Variants in NPR3 observed in about 807,000 individuals in gnomAD.
NPR3 encodes the protein atrial natriuretic peptide receptor 3.
Under a neutral mutation model 54.5 loss-of-function variants are expected in NPR3, and 34 were observed. That is an observed-to-expected ratio of 0.62 (90% CI 0.47 to 0.83). The LOEUF (loss-of-function observed/expected upper bound fraction) is 0.83. NPR3 is among the 40% of genes least tolerant of loss of function. The pLI, the probability that NPR3 is intolerant of heterozygous loss-of-function variation, is 0.00. For synonymous variants in NPR3, 289 were observed against 297.1 expected (o/e 0.97, Z 0.28); for missense variants, 674 against 720.8 (o/e 0.94, Z 0.74).
chr5:32,772,037 C>G (rs971455894), intron 3 of NPR3, among the ~76,000 whole-genome samples: 1 of 152,164 alleles, frequency 6.6e-6, no homozygotes, highest in South Asian at 2.1e-4. Flanking sequence ...AAGACTTTCT[C>G]AAGCCATAAT....
At position 32,789,288 on chromosome 5, in the gene NPR3, A is replaced by T. The variant is rs181403003; in HGVS notation, c.*2943A>T. The T allele has an allele frequency of 3.7e-6, 1 of 267,304 alleles. No individual in the cohort carries two copies. The highest frequency in any genetic ancestry group is 2.4e-5 in the African/African-American group (1 of 41,750). 16.6% of individuals were successfully genotyped at this position (267,304 alleles called of 1,614,324 possible). The stretch of plus-strand genomic sequence containing the variant: ...TCATTGTCTTCTTAGATTTTTGGGT[A>T]GGGGGGCCAGGTAGGGGGAGACTCA... On this transcript the variant is annotated 3_prime_UTR_variant, in exon 8 of 8. Coordinates refer to ENST00000265074, the MANE Select transcript of NPR3 (RefSeq NM_001204375.2).
At chr5:32,725,843 C>T (rs1739111882) in intron 2 of NPR3, among the ~76,000 whole-genome samples, 1 of 152,140 alleles carries the variant, frequency 6.6e-6, no homozygotes, top group Admixed American at 6.5e-5. Context: ...CTCCCAGTCC[C>T]CTCTTTCTTC....
Position 32,782,882 on chromosome 5 carries a change from C to A in NPR3, c.1291-11C>A. 1 of 1,589,076 alleles carries A rather than the reference C, an allele frequency of 6.3e-7. No homozygotes were observed. The highest frequency in any genetic ancestry group is 8.5e-7 in the Non-Finnish European group (1 of 1,170,012). On this transcript the variant is annotated splice_polypyrimidine_tract_variant and intron_variant, in intron 5 of 7. Coordinates refer to ENST00000265074, the MANE Select transcript of NPR3 (RefSeq NM_001204375.2). ...TTTTGGTTTGTCTATTTGTTTTTTG[C>A]CTCTATATAGGTTATTGGTGATTAT... is the stretch of plus-strand genomic sequence containing the variant.
chr5:32,734,841 A>C (rs1269259681), intron 2 of NPR3, among the ~76,000 whole-genome samples: 3 of 152,094 alleles, frequency 2.0e-5, no homozygotes, highest in African/African-American at 7.2e-5. Flanking sequence ...CTCCTCTGTG[A>C]GACAGCACCG....
chr5:32,750,634 G>T (rs1484676760), intron 3 of NPR3, among the ~76,000 whole-genome samples: 1 of 152,134 alleles, frequency 6.6e-6, no homozygotes, highest in East Asian at 1.9e-4. Context: ...TGGGGTGGAG[G>T]TGGGGTGGGG....
chr5:32,702,657 G>A (rs372156207), intron 1 of NPR3, among the ~76,000 whole-genome samples: 10 of 151,982 alleles, frequency 6.6e-5, no homozygotes, highest in Admixed American at 3.3e-4. Flanking sequence ...AATCCAGTCT[G>A]TCATTGTTGG....
chr5:32,782,792 T>C, intron 5 of NPR3, 101 bp from the exon 6 acceptor site: 1 of 1,152,982 alleles, frequency 8.7e-7, no homozygotes, highest in South Asian at 1.6e-5. Context: ...GCAGCCAGTT[T>C]AGATCAGGCT....
intron 4 of NPR3, among the ~76,000 whole-genome samples, chr5:32,778,892 A>G (rs1201171743): frequency 6.6e-6 from 1 of 152,244 alleles, no homozygotes; most frequent in Non-Finnish European, 1.5e-5. Flanking sequence ...CAATAGAATG[A>G]CAAATGGTTT....
intron 3 of NPR3, among the ~76,000 whole-genome samples, chr5:32,773,453 C>T (rs1016281188): frequency 2.6e-5 from 4 of 152,112 alleles, no homozygotes; most frequent in African/African-American, 9.7e-5. Context: ...TCCAGATTCT[C>T]GATGATCTGA....
At chr5:32,722,660 T>A (rs1738925123) in intron 1 of NPR3, among the ~76,000 whole-genome samples, 1 of 152,164 alleles carries the variant, frequency 6.6e-6, no homozygotes, top group Non-Finnish European at 1.5e-5. Context: ...CCTGGAGACA[T>A]CCACTCTTGG....
intron 2 of NPR3, among the ~76,000 whole-genome samples, chr5:32,737,477 C>T (rs817897): frequency 0.026 from 3,988 of 152,194 alleles, 170 homozygotes; most frequent in African/African-American, 0.09. Context: ...AAGTCCTGGC[C>T]GTATATCCCA....
chr5:32,788,437 G>C lies in NPR3; in HGVS notation c.*2092G>C, dbSNP rs1429556587. 3 of 152,230 alleles carry C rather than the reference G, an allele frequency of 2.0e-5. No homozygotes were observed. The East Asian group carries it at 5.8e-4, about 29-fold the overall frequency. The allele number at this position is 152,230 out of a possible 1,614,324, so 9.4% of individuals were successfully genotyped here. On this transcript the variant is annotated 3_prime_UTR_variant, in exon 8 of 8. Transcript: ENST00000265074. ...CCATCTTACTTACTTGAATTGGAGA[G>C]CTTGTTTCTCTCTCATTTTTATTTT...
At chr5:32,738,090 A>T (rs1561098394) in intron 2 of NPR3, among the ~76,000 whole-genome samples, 1 of 152,192 alleles carries the variant, frequency 6.6e-6, no homozygotes, top group Non-Finnish European at 1.5e-5. Context: ...CCCTGAAAAG[A>T]TTCAAGAAAT....
intron 2 of NPR3, among the ~76,000 whole-genome samples, chr5:32,732,281 C>A (rs1172241530): frequency 2.1e-5 from 3 of 141,076 alleles, no homozygotes; most frequent in East Asian, 2.2e-4. Context: ...AAAAAAAATC[C>A]ATTCTCAAGA....
chr5:32,777,323 G>A (rs893071932), intron 4 of NPR3, among the ~76,000 whole-genome samples: 1 of 152,174 alleles, frequency 6.6e-6, no homozygotes, highest in Non-Finnish European at 1.5e-5. Context: ...CTGAACCAGG[G>A]TTCAGTGCAT....
chr5:32,694,970 T>A (rs534518170), intron 1 of NPR3, among the ~76,000 whole-genome samples: 47 of 152,322 alleles, frequency 3.1e-4, no homozygotes, highest in Admixed American at 5.9e-4. Context: ...TGTCTTTCCG[T>A]GCCTGGCTTA....
chr5:32,714,446 C>G (rs1012765044), intron 1 of NPR3, among the ~76,000 whole-genome samples: 2 of 151,092 alleles, frequency 1.3e-5, no homozygotes, highest in African/African-American at 4.9e-5. Context: ...GGGCTGCAGT[C>G]GGCTGTAAGA....
intron 2 of NPR3, among the ~76,000 whole-genome samples, chr5:32,730,379 G>A (rs1171536136): frequency 6.6e-6 from 1 of 152,160 alleles, no homozygotes; most frequent in Non-Finnish European, 1.5e-5. Context: ...CACAATTAAT[G>A]GTGAAAGACT....
upstream of NPR3, among the ~76,000 whole-genome samples, chr5:32,706,592 C>A (rs1290512911): frequency 6.6e-6 from 1 of 152,190 alleles, no homozygotes; most frequent in Non-Finnish European, 1.5e-5. Context: ...CTAGAAATGT[C>A]TGGGAAAGTT....
Sources: allele counts gnomAD v4.1 joint callset (sites outside exome capture counted in the v4.1 genomes callset), GRCh38; gene constraint gnomAD v4.1.1; transcripts MANE v1.5; gene names NCBI Gene and HGNC (gene_info 2026-07-23, HGNC 2026-07-21).